Variants in EXOC6B observed in about 807,000 individuals in gnomAD.
EXOC6B encodes the protein SEC15 homolog B.
A neutral mutation model predicts 113.5 loss-of-function variants in EXOC6B; 54 were observed. The observed-to-expected ratio is 0.48, with a 90% confidence interval of 0.38 to 0.60. The LOEUF (loss-of-function observed/expected upper bound fraction) is 0.60. EXOC6B is among the 20% of genes least tolerant of loss of function. The probability of loss-of-function intolerance (pLI) is 0.00; values close to 1 mark genes in which losing one functional copy is unlikely to be tolerated. For synonymous variants in EXOC6B, 357 were observed against 339.0 expected, an observed-to-expected ratio of 1.05 and a Z score of -0.58; for missense variants, 797 against 977.5, an observed-to-expected ratio of 0.82 and a Z score of 2.46.
chr2:72,183,500 A>G (rs1678222872), intron 21 of EXOC6B, among the ~76,000 whole-genome samples: 1 of 152,206 alleles, frequency 6.6e-6, no homozygotes, highest in African/African-American at 2.4e-5. Context: ...TCTGCAGGCT[A>G]GTGACTGCTT....
chr2:72,570,573 T>C (rs1704453646), intron 7 of EXOC6B, among the ~76,000 whole-genome samples: 1 of 152,182 alleles, frequency 6.6e-6, no homozygotes, highest in South Asian at 2.1e-4. Flanking sequence ...TGACCCATAC[T>C]CTATGACAAG....
intron 6 of EXOC6B, among the ~76,000 whole-genome samples, chr2:72,580,840 A>G (rs1400550271): frequency 2.0e-5 from 3 of 152,234 alleles, no homozygotes; most frequent in Admixed American, 2.0e-4. Context: ...AGGAGCTGAC[A>G]GAAATGTTTC....
At position 72,228,513 on chromosome 2, in the gene EXOC6B, C is replaced by A. The variant is rs568623327; in HGVS notation, c.2197-44326G>T. On this transcript the variant is annotated intron_variant, in intron 20 of 21. Coordinates refer to ENST00000272427, the MANE Select transcript of EXOC6B (RefSeq NM_015189.3). ...ATTCCCACCTATGAGTGAGAACATG[C>A]GGTGTTTGGTTTTTTCCTTGCGATA... Among the ~76,000 whole-genome samples the A allele has an allele frequency of 5.0e-3, 744 of 150,194 alleles. 8 individuals are homozygous for A. Among genetic ancestry groups the A allele is most frequent in the African/African-American group, 0.017 (712 of 40,928 alleles).
chr2:72,235,912 C>T (rs1168409729), intron 20 of EXOC6B, among the ~76,000 whole-genome samples: 1 of 152,012 alleles, frequency 6.6e-6, no homozygotes, highest in Non-Finnish European at 1.5e-5. Context: ...ATATTTTGCC[C>T]CCCCTTCAAG....
Position 72,282,548 on chromosome 2 carries a change from T to A in EXOC6B, c.2196+52399A>T, listed in dbSNP as rs561989585. ...AAACAGAAGTAGAAAACAGAAAGTA[T>A]AAGAGTATATTTAAATCCCAATGTA... On this transcript the variant is annotated intron_variant, in intron 20 of 21. Coordinates refer to ENST00000272427, the MANE Select transcript of EXOC6B (RefSeq NM_015189.3). Among the ~76,000 whole-genome samples the A allele has an allele frequency of 3.3e-5, 5 of 151,744 alleles. No individual in the cohort carries two copies. In the East Asian group the frequency reaches 9.7e-4, roughly 29 times the overall value.
At chr2:72,755,787 G>A (rs1439547052) in intron 1 of EXOC6B, among the ~76,000 whole-genome samples, 1 of 152,104 alleles carries the variant, frequency 6.6e-6, no homozygotes, top group Non-Finnish European at 1.5e-5. Flanking sequence ...ACCTGGCTCT[G>A]AAGAGAACTG....
intron 6 of EXOC6B, among the ~76,000 whole-genome samples, chr2:72,623,534 A>G (rs1314872743): frequency 6.6e-6 from 1 of 152,154 alleles, no homozygotes; most frequent in African/African-American, 2.4e-5. Context: ...TCAACTAACC[A>G]ATTCTAACTT....
intron 13 of EXOC6B, 85 bp from the exon 14 acceptor site, chr2:72,496,644 A>G: frequency 1.3e-6 from 1 of 784,710 alleles, no homozygotes; most frequent in Non-Finnish European, 2.2e-6. Flanking sequence ...AGGTGGGTTA[A>G]TCACAAATAT....
chr2:72,446,425 C>A (rs998599197), intron 18 of EXOC6B, among the ~76,000 whole-genome samples: 4 of 151,516 alleles, frequency 2.6e-5, no homozygotes, highest in African/African-American at 9.7e-5. Context: ...ATATATACAC[C>A]ATAGAATACT....
At chr2:72,371,095 T>C (rs1437336424) in intron 19 of EXOC6B, among the ~76,000 whole-genome samples, 2 of 151,504 alleles carry the variant, frequency 1.3e-5, no homozygotes, top group Non-Finnish European at 2.9e-5. Context: ...TCATGTGTCT[T>C]GGATACCAGT....
chr2:72,293,708 A>C (rs536902605), intron 20 of EXOC6B, among the ~76,000 whole-genome samples: 2 of 152,304 alleles, frequency 1.3e-5, no homozygotes, highest in Non-Finnish European at 2.9e-5. Flanking sequence ...GGCTTGTAAT[A>C]AGTAATACAG....
At chr2:72,679,621 A>C (rs1250386063) in intron 6 of EXOC6B, among the ~76,000 whole-genome samples, 1 of 152,238 alleles carries the variant, frequency 6.6e-6, no homozygotes, top group Non-Finnish European at 1.5e-5. Flanking sequence ...AATGGCATAA[A>C]GTTGTAAAAT....
intron 6 of EXOC6B, among the ~76,000 whole-genome samples, chr2:72,578,579 C>T (rs936726240): frequency 1.3e-5 from 2 of 152,206 alleles, no homozygotes; most frequent in Middle Eastern, 6.8e-3. Flanking sequence ...GATGCTTCCT[C>T]TCTGTACTCC....
rs143783141 is a variant in EXOC6B, at chr2:72,649,883, C to A, written c.669+68220G>T. ...TAAACATAAGCAAAAAAAAAATGAA[C>A]CTCAATCTAAACTTCACACCATTTG... On this transcript the variant is annotated intron_variant, in intron 6 of 21. Transcript: ENST00000272427. Among the ~76,000 whole-genome samples the A allele has an allele frequency of 8.5e-5, 13 of 152,140 alleles. No individual in the cohort carries two copies. The East Asian group carries it at 2.3e-3, about 27-fold the overall frequency.
chr2:72,593,180 T>C (rs556480550), intron 6 of EXOC6B, among the ~76,000 whole-genome samples: 136 of 152,290 alleles, frequency 8.9e-4, no homozygotes, highest in Admixed American at 5.2e-4. Context: ...CCTTGTCCTA[T>C]GCATATCTTC....
At chr2:72,361,871 C>T (rs634785) in intron 19 of EXOC6B, among the ~76,000 whole-genome samples, 20,243 of 152,068 alleles carry the variant, frequency 0.13, 1,614 homozygotes, top group African/African-American at 0.23. Context: ...GACTTTGAGA[C>T]AAAATAAATT....
intron 8 of EXOC6B, among the ~76,000 whole-genome samples, chr2:72,531,028 TTTTATTGATATA>T (rs1701972388): frequency 6.6e-6 from 1 of 152,156 alleles, no homozygotes; most frequent in African/African-American, 2.4e-5. Context: ...ATATCTGCCT[TTTTATTGATATA>T]TTTAGATAAT....
chr2:72,744,083 A>G (rs1191009138), intron 1 of EXOC6B, among the ~76,000 whole-genome samples: 2 of 152,196 alleles, frequency 1.3e-5, no homozygotes, highest in East Asian at 1.9e-4. Flanking sequence ...TACAGTATTA[A>G]GTACAGCAAC....
Position 72,499,392 on chromosome 2 carries a change from G to A in EXOC6B, c.1239+509C>T, listed in dbSNP as rs143431775. ...ATTACAGGCACTTACCACCACATCC[G>A]GCTAATTTTTGCATTTTTACTAAAG... On this transcript the variant is annotated intron_variant, in intron 12 of 21. Coordinates refer to ENST00000272427, the MANE Select transcript of EXOC6B (RefSeq NM_015189.3). 9.8e-3 allele frequency among the ~76,000 whole-genome samples: 1,482 copies of A among 151,804 alleles called. 38 individuals are homozygous for A. Among genetic ancestry groups the A allele is most frequent in the African/African-American group, 0.034 (1,417 of 41,430 alleles).
Sources: gnomAD v4.1 joint callset for allele counts (sites outside exome capture counted in the v4.1 genomes callset) on GRCh38, gnomAD v4.1.1 for gene constraint, MANE v1.5 for transcripts, NCBI Gene and HGNC (gene_info 2026-07-23, HGNC 2026-07-21) for gene names.